ZHX1: variants seen among roughly 807,000 people sequenced by gnomAD.
ZHX1 encodes zinc fingers and homeoboxes protein 1.
Under a neutral mutation model 61.8 loss-of-function variants are expected in ZHX1, and 20 were observed. That is an observed-to-expected ratio of 0.32 (90% CI 0.23 to 0.47). The LOEUF is 0.47. Among genes scored for constraint, ZHX1 ranks in the 20% least tolerant of loss-of-function variants. The probability of loss-of-function intolerance (pLI) is 1.00; values close to 1 mark genes in which losing one functional copy is unlikely to be tolerated. For missense variants in ZHX1, 800 were observed against 1,034.8 expected, an observed-to-expected ratio of 0.77 and a Z score of 3.11; for synonymous variants, 318 against 352.6, an observed-to-expected ratio of 0.90 and a Z score of 1.10.
upstream of ZHX1, among the ~76,000 whole-genome samples, chr8:123,274,662 T>G (rs1586837792): frequency 7.0e-6 from 1 of 142,964 alleles, no homozygotes; most frequent in African/African-American, 2.6e-5. Context: ...CTCCGCCCCC[T>G]GTCAGGAGAC....
chr8:123,257,866 G>T (rs1436997409), intron 2 of ZHX1, among the ~76,000 whole-genome samples: 1 of 152,108 alleles, frequency 6.6e-6, no homozygotes, highest in African/African-American at 2.4e-5. Flanking sequence ...CCCTACTAGA[G>T]ATCACCTTCT....
At chr8:123,258,417 A>G (rs1186435034) in intron 2 of ZHX1, among the ~76,000 whole-genome samples, 1 of 152,174 alleles carries the variant, frequency 6.6e-6, no homozygotes, top group African/African-American at 2.4e-5. Flanking sequence ...TAAATTACCT[A>G]GCTCTGGGTA....
upstream of ZHX1, chr8:123,274,359 T>G (rs1002523574): frequency 6.6e-6 from 1 of 152,140 alleles, no homozygotes; most frequent in Non-Finnish European, 1.5e-5. Context: ...CCTCAGCAGC[T>G]CGGTGGCCCC....
At chr8:123,264,954 C>T (rs1361073593) in intron 2 of ZHX1, among the ~76,000 whole-genome samples, 2 of 149,182 alleles carry the variant, frequency 1.3e-5, no homozygotes, top group African/African-American at 2.5e-5. Flanking sequence ...TTTGGGAGGC[C>T]GAGGCGGGTG....
Position 123,254,928 on chromosome 8 carries a change from C to G in ZHX1, c.1019G>C (p.Gly340Ala). The G allele has an allele frequency of 6.2e-7, 1 of 1,614,202 alleles. No homozygotes were observed. The highest frequency in any genetic ancestry group is 8.5e-7 in the Non-Finnish European group (1 of 1,180,034). ...IWFSAQRLKHGVSWTPEEVEE... is the reference protein window; with the variant it reads ...IWFSAQRLKHAVSWTPEEVEE... ...TACTTCCTCGGGAGTCCAACTAACA[C>G]CATGTTTTAAACGTTGGGCTGAAAA... Residue 340 changes from glycine to alanine, a missense_variant, in exon 3 of 4, where the codon GGT (glycine) becomes GCT (alanine). By Grantham distance (60) the Gly-to-Ala change is moderately conservative. Transcript: ENST00000395571. This position sits in a 1 kb window ranked among gnomAD's most constrained non-coding sequence, Gnocchi z 4.1.
intron 1 of ZHX1, among the ~76,000 whole-genome samples, chr8:123,271,703 G>A (rs1467555409): frequency 6.6e-6 from 1 of 151,324 alleles, no homozygotes; most frequent in Non-Finnish European, 1.5e-5. Context: ...TAATACAAAA[G>A]GGAGAAAAAT....
upstream of ZHX1, among the ~76,000 whole-genome samples, chr8:123,274,947 C>T (rs1478007064): frequency 6.6e-6 from 1 of 152,168 alleles, no homozygotes; most frequent in African/African-American, 2.4e-5. Flanking sequence ...GAGCCCAGCG[C>T]CCTGACAGAA....
chr8:123,254,890 T>G lies in ZHX1; in HGVS notation c.1057A>C (p.Arg353=), dbSNP rs1372392826. 1 of 1,614,238 alleles carries G rather than the reference T, an allele frequency of 6.2e-7. No homozygotes were observed. Among genetic ancestry groups the G allele is most frequent in the Admixed American group, 1.7e-5 (1 of 60,026 alleles). ...TGCACTGTTCCATTGAATTGTTTCC[T>G]TCTTGCCTCCTCTACTTCCTCGGGA... ...WTPEEVEEAR[R]KQFNGTVHTV... Residue 353 remains arginine (R), a synonymous_variant, in exon 3 of 4, where the codon AGG becomes CGG. Transcript: ENST00000395571. This position sits in a 1 kb window ranked among gnomAD's most constrained non-coding sequence, Gnocchi z 4.1.
intron 1 of ZHX1, among the ~76,000 whole-genome samples, chr8:123,270,550 G>A (rs187541690): frequency 6.6e-6 from 1 of 152,170 alleles, no homozygotes; most frequent in East Asian, 1.9e-4. Flanking sequence ...GGAGGCCAAG[G>A]CAGAAGGATT....
chr8:123,264,810 C>T (rs1332182052), intron 2 of ZHX1, among the ~76,000 whole-genome samples: 4 of 151,184 alleles, frequency 2.6e-5, no homozygotes, highest in African/African-American at 9.7e-5. Context: ...CCACCCGCCT[C>T]GGCCTCCCAA....
chr8:123,254,725 G>A lies in ZHX1; in HGVS notation c.1222C>T (p.Pro408Ser). The A allele has an allele frequency of 6.2e-7, 1 of 1,614,182 alleles. No individual in the cohort carries two copies. The highest frequency in any genetic ancestry group is 8.5e-7 in the Non-Finnish European group (1 of 1,180,038). Residue 408 changes from proline to serine, a missense_variant, in exon 3 of 4, where the codon CCA becomes TCA. Physicochemically the swap from Pro to Ser is moderately conservative, Grantham distance 74. Transcript: ENST00000395571. The surrounding 1 kb of genome is among the most constrained non-coding windows in gnomAD (Gnocchi z 4.1). ...GTCAAGGCTATAGGTGCTGTAACTG[G>A]CAAGGTGTTTGTTCCAGCCACTTGA... The part of the protein sequence containing the change: ...LTQVAGTNTL[P>S]VTAPIALTVA...
chr8:123,253,033 C>G, intron 3 of ZHX1: 1 of 276,908 alleles, frequency 3.6e-6, no homozygotes, highest in Non-Finnish European at 6.6e-6. Flanking sequence ...AACCTGCCTG[C>G]CAGTCTCCCT....
intron 2 of ZHX1, among the ~76,000 whole-genome samples, chr8:123,262,186 T>G (rs1826294139): frequency 1.3e-5 from 2 of 152,220 alleles, no homozygotes; most frequent in Admixed American, 1.3e-4. Flanking sequence ...TCCAGCACTG[T>G]AAATGTAATT....
intron 2 of ZHX1, chr8:123,262,884 C>G (rs890576800): frequency 6.7e-6 from 1 of 148,772 alleles, no homozygotes; most frequent in Admixed American, 6.7e-5. Flanking sequence ...TGGAACCATG[C>G]GGAGAAGATT....
At chr8:123,260,154 T>C (rs1407071967) in intron 2 of ZHX1, among the ~76,000 whole-genome samples, 1 of 150,664 alleles carries the variant, frequency 6.6e-6, no homozygotes, top group East Asian at 2.0e-4. Context: ...CGAGACTCTG[T>C]CTCAAAAAAA....
chr8:123,251,950 A>G (rs765606989), intron 3 of ZHX1, among the ~76,000 whole-genome samples: 2 of 152,208 alleles, frequency 1.3e-5, no homozygotes, highest in South Asian at 2.1e-4. Flanking sequence ...TGCCTGGTAC[A>G]TATTAAGCTC....
At position 123,255,953 on chromosome 8, in the gene ZHX1, G is replaced by A. The variant is rs1231193072; in HGVS notation, c.-7C>T. 3 of 1,596,852 alleles carry A rather than the reference G, an allele frequency of 1.9e-6. No individual in the cohort carries two copies. The African/African-American group carries it at 4.0e-5, about 21-fold the overall frequency. ...ATTTTCGCCTGCTTGCCATTCTGAT[G>A]TTATGAGGAAAAGCTCAGTGGTGAT... On this transcript the variant is annotated 5_prime_UTR_variant, in exon 3 of 4. Transcript: ENST00000395571.
chr8:123,260,264 C>A (rs1826205733), intron 2 of ZHX1, among the ~76,000 whole-genome samples: 1 of 152,172 alleles, frequency 6.6e-6, no homozygotes, highest in South Asian at 2.1e-4. Flanking sequence ...ACAATCCCCA[C>A]TTCCACCTTT....
At chr8:123,251,480 C>T (rs1825916687) in intron 3 of ZHX1, among the ~76,000 whole-genome samples, 1 of 151,610 alleles carries the variant, frequency 6.6e-6, no homozygotes, top group South Asian at 2.1e-4. Context: ...TAATATATAA[C>T]ATAAGAATTA....
Sources: allele counts gnomAD v4.1 joint callset (sites outside exome capture counted in the v4.1 genomes callset), GRCh38; gene constraint gnomAD v4.1.1; non-coding constraint Gnocchi (gnomAD v3.1); transcripts MANE v1.5; gene names NCBI Gene and HGNC (gene_info 2026-07-23, HGNC 2026-07-21).